The following GAREM1 variants were observed in gnomAD, a reference collection of about 807,000 sequenced individuals.
GAREM1 encodes the protein GRB2 associated regulator of MAPK1 subtype 1.
In GAREM1, 26 loss-of-function variants were observed where a neutral mutation model predicts 71.3. That is an observed-to-expected ratio of 0.36 (90% CI 0.27 to 0.51). The LOEUF is 0.51. Among genes scored for constraint, GAREM1 ranks in the 20% least tolerant of loss-of-function variants. GAREM1 has a pLI of 0.95. For synonymous variants in GAREM1, 440 were observed against 433.2 expected, an observed-to-expected ratio of 1.02 and a Z score of -0.20; for missense variants, 1,026 against 1,103.1, an observed-to-expected ratio of 0.93 and a Z score of 0.99.
At chr18:32,393,187 T>A in intron 1 of GAREM1, 152 bp from the exon 2 acceptor site, 1 of 706,404 alleles carries the variant, frequency 1.4e-6, no homozygotes, top group Non-Finnish European at 2.2e-6. Context: ...ATTGTTTTTT[T>A]TTTTTTTTTA....
intron 1 of GAREM1, among the ~76,000 whole-genome samples, chr18:32,451,907 A>G (rs1248678704): frequency 6.6e-6 from 1 of 152,224 alleles, no homozygotes; most frequent in Non-Finnish European, 1.5e-5. Flanking sequence ...GCAGTGACAG[A>G]GCCAGCTGCA....
chr18:32,400,704 G>C (rs1291248352), intron 1 of GAREM1, among the ~76,000 whole-genome samples: 1 of 152,158 alleles, frequency 6.6e-6, no homozygotes, highest in Non-Finnish European at 1.5e-5. Flanking sequence ...GGAGAAATAG[G>C]AACACTTTTA....
At chr18:32,416,089 T>A (rs1409164979) in intron 1 of GAREM1, among the ~76,000 whole-genome samples, 1 of 151,744 alleles carries the variant, frequency 6.6e-6, no homozygotes, top group Admixed American at 6.6e-5. Flanking sequence ...GTGAACAATC[T>A]GAAAAATAAA....
At chr18:32,388,662 C>T (rs1410007038) in intron 2 of GAREM1, among the ~76,000 whole-genome samples, 1 of 152,166 alleles carries the variant, frequency 6.6e-6, no homozygotes, top group Admixed American at 6.5e-5. Flanking sequence ...CACGGGGAAA[C>T]CCAAACTGAG....
intron 2 of GAREM1, among the ~76,000 whole-genome samples, chr18:32,390,502 A>G (rs1416251661): frequency 6.6e-6 from 1 of 151,992 alleles, no homozygotes; most frequent in South Asian, 2.1e-4. Flanking sequence ...TCTTTAATGT[A>G]TTTTCTCTCC....
At chr18:32,445,563 G>A (rs1050155813) in intron 1 of GAREM1, among the ~76,000 whole-genome samples, 8 of 152,128 alleles carry the variant, frequency 5.3e-5, no homozygotes, top group African/African-American at 1.9e-4. Context: ...TATTGCTATA[G>A]TAATATTTCA....
rs546175276 is a variant in GAREM1, at chr18:32,458,646, G to A, written c.121+11662C>T. 1.2e-3 allele frequency among the ~76,000 whole-genome samples: 179 copies of A among 148,944 alleles called. 1 individual carries two copies. The highest frequency in any genetic ancestry group is 1.7e-3 in the Non-Finnish European group (115 of 67,046). On this transcript the variant is annotated intron_variant, in intron 1 of 5. Transcript: ENST00000269209. ...GAGGAGATTTTATTACAGGAGATTTGAAAAAAAAACTCTACCAAAAAATTG... is the reference window on the plus strand; with the variant it reads ...GAGGAGATTTTATTACAGGAGATTTAAAAAAAAAACTCTACCAAAAAATTG...
chr18:32,427,271 G>A (rs1022241321), intron 1 of GAREM1, among the ~76,000 whole-genome samples: 13 of 152,162 alleles, frequency 8.5e-5, no homozygotes, highest in African/African-American at 3.1e-4. Context: ...ACCATTTACT[G>A]AGCAGCAATT....
At chr18:32,429,777 G>A (rs1039801212) in intron 1 of GAREM1, among the ~76,000 whole-genome samples, 3 of 152,132 alleles carry the variant, frequency 2.0e-5, no homozygotes, top group Non-Finnish European at 2.9e-5. Flanking sequence ...AATTCTAAAT[G>A]AACAACTTTC....
chr18:32,395,693 T>C (rs904609948), intron 1 of GAREM1, among the ~76,000 whole-genome samples: 4 of 151,970 alleles, frequency 2.6e-5, no homozygotes, highest in Non-Finnish European at 5.9e-5. Flanking sequence ...CCATGATGAG[T>C]GCTACGCAAG....
In GAREM1 at chr18:32,401,374, A is replaced by G. The variant is rs542082398; in HGVS notation, c.122-8339T>C. 5.9e-5 allele frequency among the ~76,000 whole-genome samples: 9 copies of G among 152,126 alleles called. No homozygotes were observed. In the East Asian group the frequency reaches 1.3e-3, roughly 23 times the overall value. ...AATTGAATATAAAAAAGAAATAAAAAGAAGACAGATGTAGAAACTTAATAA... is the reference window on the plus strand; with the variant it reads ...AATTGAATATAAAAAAGAAATAAAAGGAAGACAGATGTAGAAACTTAATAA... On this transcript the variant is annotated intron_variant, in intron 1 of 5. Coordinates refer to ENST00000269209, the MANE Select transcript of GAREM1 (RefSeq NM_001242409.2).
intron 2 of GAREM1, chr18:32,331,556 A>G (rs2047535499): frequency 6.6e-6 from 1 of 152,240 alleles, no homozygotes; most frequent in African/African-American, 2.4e-5. Context: ...CACATACACT[A>G]GTAGTTTTCA....
rs759834285 is a variant in GAREM1, at chr18:32,267,988, A to G, written c.2514T>C (p.Ile838=). Residue 838 remains isoleucine (I), a synonymous_variant, in exon 6 of 6, where the codon ATT becomes ATC. Coordinates refer to ENST00000269209, the MANE Select transcript of GAREM1 (RefSeq NM_001242409.2). Reference sequence around the variant, plus strand: ...TTAGCTGAACAAGCAGGTTCCCATCAATCTTTTCAGTAACAAAGAATGATA... The same window carrying G: ...TTAGCTGAACAAGCAGGTTCCCATCGATCTTTTCAGTAACAAAGAATGATA... ...DVISFFVTEK[I]DGNLLVQLTE... is the part of the protein sequence containing the mutation. The G allele has an allele frequency of 1.2e-6, 2 of 1,614,022 alleles. No individual in the cohort carries two copies. Among genetic ancestry groups the G allele is most frequent in the Non-Finnish European group, 1.7e-6 (2 of 1,179,938 alleles).
In GAREM1 at chr18:32,381,235, A is replaced by C. The variant is rs546939367; in HGVS notation, c.262+11660T>G. 2.0e-5 allele frequency among the ~76,000 whole-genome samples: 3 copies of C among 152,282 alleles called. No homozygotes were observed. The South Asian group carries it at 6.2e-4, about 32-fold the overall frequency. ...GACATTCTTGCCATCTAGAGGTCCA[A>C]TATCTGACAAGATAGGAAACATCTC... On this transcript the variant is annotated intron_variant, in intron 2 of 5. Transcript: ENST00000269209.
chr18:32,401,018 C>G (rs1280241138), intron 1 of GAREM1, among the ~76,000 whole-genome samples: 4 of 152,162 alleles, frequency 2.6e-5, no homozygotes, highest in African/African-American at 9.7e-5. Context: ...AGTTCATGTT[C>G]TTTGTAGGGA....
rs778600012 is a variant in GAREM1 at position 32,470,336 on chromosome 18, C to A, written c.93G>T (p.Arg31=). The A allele has an allele frequency of 5.6e-5, 88 of 1,564,716 alleles. No individual in the cohort carries two copies. Among genetic ancestry groups the A allele is most frequent in the Non-Finnish European group, 1.7e-6 (2 of 1,158,056 alleles). Residue 31 remains arginine, a synonymous_variant, in exon 1 of 6, where the codon CGG becomes CGT. Coordinates refer to ENST00000269209, the MANE Select transcript of GAREM1 (RefSeq NM_001242409.2). The surrounding 1 kb of genome is among the most constrained non-coding windows in gnomAD (Gnocchi z 4.4). ...TGTCCAGGCGCGCGATCTGGGGCAG[C>A]CGGTAAGTGCTGACCAGGAGGTCGA... ...VPLDLLVSTY[R]LPQIARLDNG...
intron 2 of GAREM1, among the ~76,000 whole-genome samples, chr18:32,350,945 C>T (rs916561515): frequency 7.9e-5 from 12 of 152,038 alleles, no homozygotes; most frequent in South Asian, 6.2e-4. Flanking sequence ...AAATGGTATG[C>T]CCATTTTTAA....
At chr18:32,417,255 C>T (rs1438743177) in intron 1 of GAREM1, among the ~76,000 whole-genome samples, 1 of 152,178 alleles carries the variant, frequency 6.6e-6, no homozygotes, top group Non-Finnish European at 1.5e-5. Context: ...AGGGAACCCT[C>T]ATACACTGTT....
chr18:32,446,644 C>A (rs554291802), intron 1 of GAREM1, among the ~76,000 whole-genome samples: 1 of 152,228 alleles, frequency 6.6e-6, no homozygotes, highest in East Asian at 1.9e-4. Context: ...ACTTCCAAAG[C>A]AAACAAAAAA....
Sources: gnomAD v4.1 joint callset for allele counts (sites outside exome capture counted in the v4.1 genomes callset) on GRCh38, gnomAD v4.1.1 for gene constraint, Gnocchi (gnomAD v3.1) non-coding constraint, MANE v1.5 for transcripts, NCBI Gene and HGNC (gene_info 2026-07-23, HGNC 2026-07-21) for gene names.